PCYT1B: variants seen among roughly 807,000 people sequenced by gnomAD.
The protein encoded by PCYT1B is phosphate cytidylyltransferase 1B, choline, also known as choline-phosphate cytidylyltransferase B.
PCYT1B carries 10 observed loss-of-function variants against 26.4 expected under a neutral mutation model. The observed-to-expected ratio is 0.38, with a 90% CI of 0.23 to 0.64. The LOEUF is 0.64. Among genes scored for constraint, PCYT1B ranks in the 30% least tolerant of loss-of-function variants. The pLI is 0.56. For missense variants in PCYT1B, 161 were observed against 292.7 expected (o/e 0.55, Z 3.28); for synonymous variants, 131 against 108.4 (o/e 1.21, Z -1.29).
In PCYT1B at chrX:24,647,158, C is replaced by A; in HGVS notation, c.-53G>T. The A allele has an allele frequency of 2.5e-5, 29 of 1,183,023 alleles. No individual in the cohort carries two copies. In the South Asian group the frequency reaches 5.7e-4, roughly 23 times the overall value. On this transcript the variant is annotated 5_prime_UTR_variant, in exon 1 of 8. Transcript: ENST00000379144. Reference sequence around the variant, plus strand: ...CACCCTCAGAGAGTCTCCTCCCAGGCAGAGAATGTTTTCTTTGTCACGTAT... The same window carrying A: ...CACCCTCAGAGAGTCTCCTCCCAGGAAGAGAATGTTTTCTTTGTCACGTAT...
At chrX:24,661,035 T>C (rs971317939) in intron 1 of PCYT1B, among the ~76,000 whole-genome samples, 2 of 111,661 alleles carry the variant, frequency 1.8e-5, no homozygotes, top group African/African-American at 6.5e-5. Context: ...TATGAATATA[T>C]AAGTTATATT....
chrX:24,639,250 C>T lies in PCYT1B; in HGVS notation c.117+7739G>A, dbSNP rs150935723. On this transcript the variant is annotated intron_variant, in intron 1 of 7. Transcript: ENST00000379144. The stretch of plus-strand genomic sequence containing the variant: ...TCACACTCTAAGGATCTATCCAATC[C>T]ATTGTCGGGGACAGAATGGAATCCA... 3.1e-4 allele frequency among the ~76,000 whole-genome samples: 35 copies of T among 112,584 alleles called. No individual in the cohort carries two copies. The East Asian group carries it at 8.9e-3, about 29-fold the overall frequency.
chrX:24,648,498 C>T (rs1027335104), upstream of PCYT1B, among the ~76,000 whole-genome samples: 3 of 53,848 alleles, frequency 5.6e-5, no homozygotes, highest in Non-Finnish European at 9.1e-5. Context: ...GTGGTGGGGG[C>T]GGGCGCGTAG....
chrX:24,590,010 G>A lies in PCYT1B; in HGVS notation c.486+13C>T. The A allele has an allele frequency of 8.4e-7, 1 of 1,184,857 alleles. No homozygotes were observed. The highest frequency in any genetic ancestry group is 1.1e-6 in the Non-Finnish European group (1 of 876,757). ...ATCTTGCTACTTAGAGAATGTGGGA[G>A]AATGAGAAGTACCTTGTGTTTTTCC... On this transcript the variant is annotated intron_variant, in intron 4 of 7. Transcript: ENST00000379144.
chrX:24,664,695 C>T (rs1300493114), intron 1 of PCYT1B, among the ~76,000 whole-genome samples: 1 of 112,305 alleles, frequency 8.9e-6, no homozygotes, highest in Non-Finnish European at 1.9e-5. Context: ...CAGTGGCTCA[C>T]GCCTGTAATC....
chrX:24,639,033 A>C (rs1326006627), intron 1 of PCYT1B, among the ~76,000 whole-genome samples: 1 of 112,782 alleles, frequency 8.9e-6, no homozygotes, highest in East Asian at 2.8e-4. Context: ...TAAAACTTCA[A>C]AGTGCTTGTG....
chrX:24,559,052 C>T lies in PCYT1B; in HGVS notation c.*3241G>A, dbSNP rs1486057277. 1 of 111,753 alleles carries T rather than the reference C, an allele frequency of 8.9e-6. No homozygotes were observed. The highest frequency in any genetic ancestry group is 1.9e-5 in the Non-Finnish European group (1 of 53,143). The allele number at this position is 111,753 out of a possible 1,213,427, so 9.2% of individuals were successfully genotyped here. A position where few individuals can be genotyped will look rare whatever the true frequency, so the allele number is the denominator to read the frequency against. The stretch of plus-strand genomic sequence containing the variant: ...GGAAAATCGGCTGGACGCCGTGGCT[C>T]GTGCTCATAATCCCAGCACTTTGGG... On this transcript the variant is annotated 3_prime_UTR_variant, in exon 8 of 8. Coordinates refer to ENST00000379144, the MANE Select transcript of PCYT1B (RefSeq NM_004845.5).
At chrX:24,645,512 CAG>C (rs1926595226) in intron 1 of PCYT1B, among the ~76,000 whole-genome samples, 1 of 111,091 alleles carries the variant, frequency 9.0e-6, no homozygotes, top group Non-Finnish European at 1.9e-5. Flanking sequence ...GCCTGGAAAA[CAG>C]AGTGAGTCTC....
intron 2 of PCYT1B, among the ~76,000 whole-genome samples, chrX:24,612,936 A>T (rs935391329): frequency 2.7e-5 from 3 of 112,488 alleles, no homozygotes; most frequent in African/African-American, 9.7e-5. Flanking sequence ...ATTTTAAGGC[A>T]TTTAAACAGT....
Position 24,580,478 on chromosome X carries a change from A to G in PCYT1B, c.566-1020T>C, listed in dbSNP as rs746483691. Among the ~76,000 whole-genome samples, 22 of 112,195 alleles carry G rather than the reference A, an allele frequency of 2.0e-4. No homozygotes were observed. The South Asian group carries it at 3.3e-3, about 17-fold the overall frequency. ...GCCTGTAGGGATGGTTAGATGATTT[A>G]TCTTCCTAAGAACAGTCTACTGTAC... On this transcript the variant is annotated intron_variant, in intron 5 of 7. Transcript: ENST00000379144.
intron 3 of PCYT1B, 106 bp from the exon 4 acceptor site, chrX:24,590,280 C>A: frequency 1.6e-6 from 1 of 632,556 alleles, no homozygotes. Context: ...AGCACAGCCT[C>A]GCTAGGTGCT....
chrX:24,622,958 T>G (rs1925744686), intron 1 of PCYT1B, among the ~76,000 whole-genome samples: 1 of 112,260 alleles, frequency 8.9e-6, no homozygotes, highest in Admixed American at 9.5e-5. Flanking sequence ...TCAAATGACT[T>G]GCTTGTAGTT....
chrX:24,672,232 A>G, intron 1 of PCYT1B, among the ~76,000 whole-genome samples: 1 of 112,554 alleles, frequency 8.9e-6, no homozygotes, highest in Non-Finnish European at 1.9e-5. Flanking sequence ...CTCATTTCAT[A>G]GGATAAAGAA....
chrX:24,573,904 C>T (rs1923936003), intron 7 of PCYT1B, among the ~76,000 whole-genome samples: 1 of 111,031 alleles, frequency 9.0e-6, no homozygotes, highest in African/African-American at 3.3e-5. Context: ...AACCTTTCAC[C>T]CCTCTCAGAC....
chrX:24,562,221 C>A lies in PCYT1B; in HGVS notation c.*72G>T. On this transcript the variant is annotated 3_prime_UTR_variant, in exon 8 of 8. Coordinates refer to ENST00000379144, the MANE Select transcript of PCYT1B (RefSeq NM_004845.5). The stretch of plus-strand genomic sequence containing the variant: ...CCTGTGACTATTACCCTTCAAACAC[C>A]ACCCAGGCAACCCTGTGACTCTCGC... 1 of 1,180,605 alleles carries A rather than the reference C, an allele frequency of 8.5e-7. No individual in the cohort carries two copies. Among genetic ancestry groups the A allele is most frequent in the Non-Finnish European group, 1.1e-6 (1 of 878,966 alleles).
At chrX:24,645,723 A>T (rs1369016042) in intron 1 of PCYT1B, among the ~76,000 whole-genome samples, 1 of 111,776 alleles carries the variant, frequency 8.9e-6, no homozygotes, top group Non-Finnish European at 1.9e-5. Context: ...AAGTGGCTAA[A>T]GTGCTAGGGC....
At chrX:24,613,950 CA>C (rs200062439) in intron 2 of PCYT1B, among the ~76,000 whole-genome samples, 26 of 77,207 alleles carry the variant, frequency 3.4e-4, no homozygotes, top group East Asian at 2.3e-3. Flanking sequence ...AACAACCTGT[CA>C]AAAAAAAAAA....
At chrX:24,618,548 C>A (rs1328963149) in intron 2 of PCYT1B, among the ~76,000 whole-genome samples, 1 of 110,650 alleles carries the variant, frequency 9.0e-6, no homozygotes, top group East Asian at 2.8e-4. Context: ...TACCCTTGCA[C>A]TGCGTTATAA....
At position 24,559,522 on chromosome X, in the gene PCYT1B, C is replaced by G. The variant is rs890540446; in HGVS notation, c.*2771G>C. Reference sequence around the variant, plus strand: ...CGGAAAATCACTACCCTCCTGCTCCCCTACAACTTCAGTCCCACTTTCTCC... The same window carrying G: ...CGGAAAATCACTACCCTCCTGCTCCGCTACAACTTCAGTCCCACTTTCTCC... On this transcript the variant is annotated 3_prime_UTR_variant, in exon 8 of 8. Transcript: ENST00000379144. 1 of 110,873 alleles carries G rather than the reference C, an allele frequency of 9.0e-6. No homozygotes were observed. The highest frequency in any genetic ancestry group is 1.9e-5 in the Non-Finnish European group (1 of 52,856). The allele number at this position is 110,873 out of a possible 1,213,427, so 9.1% of individuals were successfully genotyped here.
Sources: allele counts gnomAD v4.1 joint callset (sites outside exome capture counted in the v4.1 genomes callset), GRCh38; gene constraint gnomAD v4.1.1; transcripts MANE v1.5; gene names NCBI Gene and HGNC (gene_info 2026-07-23, HGNC 2026-07-21).